SGCD: variants seen among roughly 807,000 people sequenced by gnomAD.
The protein encoded by SGCD is sarcoglycan delta, also known as delta-sarcoglycan.
A neutral mutation model predicts 36.6 loss-of-function variants in SGCD; 18 were observed. The observed-to-expected ratio is 0.49, with a 90% CI of 0.34 to 0.73. SGCD has a LOEUF of 0.73. Ranked by LOEUF, SGCD falls within the 30% of genes least tolerant of loss-of-function variation. The pLI is 0.01. For missense variants in SGCD, 387 were observed against 346.7 expected, an observed-to-expected ratio of 1.12 and a Z score of -0.92; for synonymous variants, 133 against 130.6, an observed-to-expected ratio of 1.02 and a Z score of -0.12.
At chr5:156,251,282 T>G (rs1001734838) in intron 3 of SGCD, among the ~76,000 whole-genome samples, 1 of 152,132 alleles carries the variant, frequency 6.6e-6, no homozygotes, top group African/African-American at 2.4e-5. Flanking sequence ...AATAATTGTT[T>G]TTAGAAAGGA....
chr5:155,918,272 TA>T (rs1756797412), intron 1 of SGCD, among the ~76,000 whole-genome samples: 1 of 152,194 alleles, frequency 6.6e-6, no homozygotes, highest in Admixed American at 6.5e-5. Context: ...TAAAAATGGA[TA>T]AAGTGGGTGT....
Position 156,437,204 on chromosome 5 carries a change from C to T in SGCD, c.193-71397C>T, listed in dbSNP as rs553810421. Among the ~76,000 whole-genome samples the T allele has an allele frequency of 5.3e-5, 8 of 152,194 alleles. No homozygotes were observed. In the East Asian group the frequency reaches 1.4e-3, roughly 26 times the overall value. On this transcript the variant is annotated intron_variant, in intron 3 of 8. Coordinates refer to ENST00000337851, the MANE Select transcript of SGCD (RefSeq NM_000337.6). ...TTAAAGTATTATTTTAATTGCCATC[C>T]TTGTACCATGTAAGTCATCTTACAT...
intron 1 of SGCD, among the ~76,000 whole-genome samples, chr5:155,945,467 C>T (rs2113419249): frequency 6.6e-6 from 1 of 152,232 alleles, no homozygotes; most frequent in Middle Eastern, 3.4e-3. Flanking sequence ...AGACAAAGAC[C>T]AAGTAAAAAC....
intron 4 of SGCD, among the ~76,000 whole-genome samples, chr5:156,543,801 A>T (rs532680043): frequency 6.6e-6 from 1 of 152,208 alleles, no homozygotes; most frequent in Non-Finnish European, 1.5e-5. Context: ...TCCTTTTAGG[A>T]TAAAGGTTAA....
chr5:156,531,557 C>T (rs927647562), intron 4 of SGCD, among the ~76,000 whole-genome samples: 1 of 152,122 alleles, frequency 6.6e-6, no homozygotes, highest in Non-Finnish European at 1.5e-5. Context: ...GGGTTCTCTC[C>T]ACACAACACA....
intron 3 of SGCD, among the ~76,000 whole-genome samples, chr5:156,138,792 A>C (rs1265063440): frequency 1.3e-5 from 2 of 152,248 alleles, no homozygotes; most frequent in Non-Finnish European, 2.9e-5. Context: ...AAGGTGATTC[A>C]CTTCCATAAG....
chr5:156,389,214 G>T (rs561247692), intron 3 of SGCD, among the ~76,000 whole-genome samples: 1 of 152,142 alleles, frequency 6.6e-6, no homozygotes, highest in Non-Finnish European at 1.5e-5. Context: ...CTTAACAATT[G>T]TATATTTCTG....
intron 7 of SGCD, among the ~76,000 whole-genome samples, chr5:156,707,446 C>A (rs1303204006): frequency 6.6e-6 from 1 of 152,088 alleles, no homozygotes; most frequent in African/African-American, 2.4e-5. Flanking sequence ...TACTACCAGA[C>A]CCAGTCTTTT....
intron 3 of SGCD, among the ~76,000 whole-genome samples, chr5:156,153,363 C>T (rs1234445132): frequency 6.6e-6 from 1 of 150,964 alleles, no homozygotes; most frequent in African/African-American, 2.5e-5. Context: ...TTAAATAATG[C>T]TTTAAAAACT....
At chr5:155,871,884 G>A (rs970594860) in intron 1 of SGCD, among the ~76,000 whole-genome samples, 4 of 152,158 alleles carry the variant, frequency 2.6e-5, no homozygotes, top group Middle Eastern at 3.2e-3. Context: ...GAAATACATC[G>A]TTAGATTTGT....
At chr5:155,977,039 C>T (rs190231061) in intron 1 of SGCD, among the ~76,000 whole-genome samples, 1 of 152,202 alleles carries the variant, frequency 6.6e-6, no homozygotes, top group Non-Finnish European at 1.5e-5. Flanking sequence ...AAAATTCAGG[C>T]GTGATCTTGC....
intron 3 of SGCD, among the ~76,000 whole-genome samples, chr5:156,258,438 A>G (rs1270006064): frequency 6.6e-6 from 1 of 152,244 alleles, no homozygotes; most frequent in Non-Finnish European, 1.5e-5. Flanking sequence ...TTGAGTAAAT[A>G]AAAGTTCATT....
At chr5:156,231,172 A>G (rs1296818510) in intron 3 of SGCD, among the ~76,000 whole-genome samples, 1 of 152,206 alleles carries the variant, frequency 6.6e-6, no homozygotes, top group Non-Finnish European at 1.5e-5. Context: ...TAATTGAAGT[A>G]GCTTGCTTTC....
At chr5:155,783,415 C>A in the SGCD span, among the ~76,000 whole-genome samples, 2 of 152,116 alleles carry the variant, frequency 1.3e-5, no homozygotes, top group South Asian at 4.1e-4. Context: ...TTGCATCATA[C>A]TAAAATTCTG....
At chr5:156,181,346 T>C (rs1763600378) in intron 3 of SGCD, among the ~76,000 whole-genome samples, 1 of 152,210 alleles carries the variant, frequency 6.6e-6, no homozygotes, top group African/African-American at 2.4e-5. Context: ...GGCTATACCA[T>C]GTTCATGGAC....
chr5:155,936,384 C>A (rs1757202276), intron 1 of SGCD, among the ~76,000 whole-genome samples: 1 of 152,088 alleles, frequency 6.6e-6, no homozygotes, highest in Non-Finnish European at 1.5e-5. Context: ...TCTTTGCAGC[C>A]AGAATGTCCC....
At chr5:156,538,008 C>T (rs572784459) in intron 4 of SGCD, among the ~76,000 whole-genome samples, 45 of 151,906 alleles carry the variant, frequency 3.0e-4, no homozygotes, top group Non-Finnish European at 3.1e-4. Flanking sequence ...TGGGCCCGTT[C>T]TGGTGGTTCG....
chr5:156,641,457 G>T (rs926835383), intron 6 of SGCD, among the ~76,000 whole-genome samples: 4 of 152,244 alleles, frequency 2.6e-5, no homozygotes, highest in East Asian at 1.9e-4. Flanking sequence ...ATTACTCAAA[G>T]AATTATTAGT....
chr5:156,486,589 C>T (rs1456988125), intron 3 of SGCD, among the ~76,000 whole-genome samples: 2 of 152,170 alleles, frequency 1.3e-5, no homozygotes, highest in East Asian at 3.9e-4. Flanking sequence ...ATGTCAATGC[C>T]TGCATACACT....
Sources: gnomAD v4.1 joint callset for allele counts (sites outside exome capture counted in the v4.1 genomes callset) on GRCh38, gnomAD v4.1.1 for gene constraint, MANE v1.5 for transcripts, NCBI Gene and HGNC (gene_info 2026-07-23, HGNC 2026-07-21) for gene names.